The following TRPC4 variants were observed in gnomAD, a reference collection of about 807,000 sequenced individuals.
TRPC4 encodes transient receptor potential cation channel subfamily C member 4, also known as short transient receptor potential channel 4.
TRPC4 carries 49 observed loss-of-function variants against 99.4 expected under a neutral mutation model. The ratio of observed to expected loss-of-function variants is 0.49; its 90% CI spans 0.39 to 0.63. The LOEUF (loss-of-function observed/expected upper bound fraction) is 0.63, where lower values mean the gene tolerates loss of function less well. Among genes scored for constraint, TRPC4 ranks in the 20% least tolerant of loss-of-function variants. TRPC4 has a pLI of 0.00. For synonymous variants in TRPC4, 454 were observed against 425.9 expected, an observed-to-expected ratio of 1.07 and a Z score of -0.81; for missense variants, 898 against 1,152.9, an observed-to-expected ratio of 0.78 and a Z score of 3.20.
intron 3 of TRPC4, among the ~76,000 whole-genome samples, chr13:37,721,737 A>G (rs903761412): frequency 6.6e-6 from 1 of 152,146 alleles, no homozygotes; most frequent in Non-Finnish European, 1.5e-5. Flanking sequence ...CTCATTTTAT[A>G]TTTCAATCTC....
intron 2 of TRPC4, among the ~76,000 whole-genome samples, chr13:37,770,799 T>C (rs2139289978): frequency 6.6e-6 from 1 of 151,818 alleles, no homozygotes; most frequent in South Asian, 2.1e-4. Context: ...ATATTTCGTA[T>C]TGATTCCATT....
intron 1 of TRPC4, among the ~76,000 whole-genome samples, chr13:37,817,584 C>CA (rs1957894309): frequency 6.7e-6 from 1 of 150,266 alleles, no homozygotes; most frequent in Non-Finnish European, 1.5e-5. Context: ...CTAAGGAAAA[C>CA]AAACAAACAA....
At chr13:37,809,911 A>G (rs1395591838) in intron 1 of TRPC4, among the ~76,000 whole-genome samples, 1 of 152,100 alleles carries the variant, frequency 6.6e-6, no homozygotes, top group Non-Finnish European at 1.5e-5. Context: ...ATTCAGGGCT[A>G]TATCAATTTC....
At chr13:37,694,251 A>C (rs1953835169) in intron 3 of TRPC4, among the ~76,000 whole-genome samples, 1 of 152,188 alleles carries the variant, frequency 6.6e-6, no homozygotes, top group Non-Finnish European at 1.5e-5. Context: ...ACCTATGGGA[A>C]ATGCAAGATA....
rs985618862 is a variant in TRPC4 at position 37,862,529 on chromosome 13, TTTTTG to T, written c.-28+7061_-28+7065del. 2.0e-5 allele frequency among the ~76,000 whole-genome samples: 3 copies of T among 151,494 alleles called. No individual in the cohort carries two copies. In the South Asian group the frequency reaches 6.2e-4, roughly 31 times the overall value. ...AGATTGATTCCACCATGGCCCAAAGTTTTTGTTTTGTTTTGTTTTGTCTTTTAAAT... is the reference window on the plus strand; with the variant it reads ...AGATTGATTCCACCATGGCCCAAAGTTTTTGTTTTGTTTTGTCTTTTAAAT... On this transcript the variant is annotated intron_variant, in intron 1 of 10. Coordinates refer to ENST00000379705, the MANE Select transcript of TRPC4 (RefSeq NM_016179.4).
chr13:37,862,603 T>C (rs908702191), intron 1 of TRPC4, among the ~76,000 whole-genome samples: 15 of 151,682 alleles, frequency 9.9e-5, no homozygotes, highest in African/African-American at 3.4e-4. Context: ...TTATGTTATT[T>C]ATTTAATGAG....
chr13:37,740,533 C>G (rs1368249123), intron 3 of TRPC4, among the ~76,000 whole-genome samples: 1 of 152,070 alleles, frequency 6.6e-6, no homozygotes, highest in Non-Finnish European at 1.5e-5. Flanking sequence ...AGACACAATC[C>G]ACAGTGTCTG....
intron 1 of TRPC4, among the ~76,000 whole-genome samples, chr13:37,858,026 G>A (rs1593331685): frequency 6.6e-6 from 1 of 151,424 alleles, no homozygotes; most frequent in African/African-American, 2.4e-5. Context: ...TCTGACAAGG[G>A]TTCAATAATT....
At position 37,751,595 on chromosome 13, in the gene TRPC4, G is replaced by A. The variant is rs375992936; in HGVS notation, c.379-5140C>T. ...GTTCTTTCCCTCCACTACTGCAAAT[G>A]CGATTTTTCTAATATAGCAACAGCT... On this transcript the variant is annotated intron_variant, in intron 2 of 10. Transcript: ENST00000379705. Among the ~76,000 whole-genome samples, 88 of 152,158 alleles carry A rather than the reference G, an allele frequency of 5.8e-4. 1 individual carries two copies. The highest frequency in any genetic ancestry group is 2.0e-3 in the African/African-American group (84 of 41,542).
At chr13:37,809,129 A>T (rs777172116) in intron 1 of TRPC4, among the ~76,000 whole-genome samples, 2 of 152,118 alleles carry the variant, frequency 1.3e-5, no homozygotes, top group Non-Finnish European at 2.9e-5. Flanking sequence ...CTCAAACTCT[A>T]AGTGGTAAAC....
intron 2 of TRPC4, among the ~76,000 whole-genome samples, chr13:37,767,292 A>G (rs569685340): frequency 1.3e-5 from 2 of 150,900 alleles, no homozygotes; most frequent in East Asian, 3.9e-4. Flanking sequence ...AAAAGGAGAA[A>G]ATAAAATTCA....
At chr13:37,834,818 C>T (rs190795946) in intron 1 of TRPC4, among the ~76,000 whole-genome samples, 17 of 152,124 alleles carry the variant, frequency 1.1e-4, no homozygotes, top group Non-Finnish European at 8.8e-5. Flanking sequence ...ATCTCTGCCT[C>T]CTGGGTTCAA....
chr13:37,700,016 A>T (rs1005723550), intron 3 of TRPC4, among the ~76,000 whole-genome samples: 1 of 152,162 alleles, frequency 6.6e-6, no homozygotes, highest in Admixed American at 6.5e-5. Context: ...ACAAAACCCA[A>T]TTTAGGTGGT....
chr13:37,842,192 C>A (rs1486993629), intron 1 of TRPC4, among the ~76,000 whole-genome samples: 1 of 150,488 alleles, frequency 6.6e-6, no homozygotes, highest in Admixed American at 6.6e-5. Flanking sequence ...AATGCATGAA[C>A]CCAGGAGGCA....
intron 2 of TRPC4, among the ~76,000 whole-genome samples, chr13:37,758,466 A>C (rs1040527381): frequency 4.6e-5 from 7 of 151,726 alleles, no homozygotes; most frequent in African/African-American, 1.4e-4. Flanking sequence ...AAGAGTGAAA[A>C]CTTTTTTCAT....
Position 37,755,667 on chromosome 13 carries a change from G to C in TRPC4, c.379-9212C>G, listed in dbSNP as rs563198484. ...TCCTCCTACCTCAGCCTCCCAATGT[G>C]CTGGGATTACAGGCGTGAGCCACTG... is the stretch of plus-strand genomic sequence containing the variant. On this transcript the variant is annotated intron_variant, in intron 2 of 10. Transcript: ENST00000379705. 2.0e-5 allele frequency among the ~76,000 whole-genome samples: 3 copies of C among 152,114 alleles called. No homozygotes were observed. The South Asian group carries it at 6.2e-4, about 32-fold the overall frequency.
At chr13:37,826,937 CAT>C (rs890585513) in intron 1 of TRPC4, among the ~76,000 whole-genome samples, 104 of 152,146 alleles carry the variant, frequency 6.8e-4, no homozygotes, top group Admixed American at 2.0e-4. Flanking sequence ...GGTCTTTTCA[CAT>C]AGTCCCATAT....
intron 1 of TRPC4, among the ~76,000 whole-genome samples, chr13:37,824,229 T>C (rs1958127516): frequency 6.6e-6 from 1 of 150,562 alleles, no homozygotes; most frequent in Middle Eastern, 3.2e-3. Context: ...CAGGGACAAT[T>C]TGACTTCCTC....
At chr13:37,661,031 T>C (rs1952419859) in intron 6 of TRPC4, among the ~76,000 whole-genome samples, 1 of 152,164 alleles carries the variant, frequency 6.6e-6, no homozygotes, top group South Asian at 2.1e-4. Flanking sequence ...AAAAATAATT[T>C]GTGGCTTGCA....
Sources: gnomAD v4.1 joint callset for allele counts (sites outside exome capture counted in the v4.1 genomes callset) on GRCh38, gnomAD v4.1.1 for gene constraint, MANE v1.5 for transcripts, NCBI Gene and HGNC (gene_info 2026-07-23, HGNC 2026-07-21) for gene names.